Variants in ST18 observed in about 807,000 individuals in gnomAD.
The protein encoded by ST18 is suppression of tumorigenicity 18 protein.
ST18 carries 50 observed loss-of-function variants against 110.0 expected under a neutral mutation model. That is an observed-to-expected ratio of 0.45 (90% CI 0.36 to 0.58). The LOEUF is 0.58. Ranked by LOEUF, ST18 falls within the 20% of genes least tolerant of loss-of-function variation. The pLI is 0.00. For synonymous variants in ST18, 461 were observed against 452.4 expected, an observed-to-expected ratio of 1.02 and a Z score of -0.24; for missense variants, 1,306 against 1,280.1, an observed-to-expected ratio of 1.02 and a Z score of -0.31.
chr8:52,174,776 C>T (rs962837443), intron 9 of ST18, among the ~76,000 whole-genome samples: 1 of 152,196 alleles, frequency 6.6e-6, no homozygotes, highest in Non-Finnish European at 1.5e-5. Context: ...GGTGCCTGCA[C>T]AGCACACGCG....
intron 7 of ST18, among the ~76,000 whole-genome samples, chr8:52,212,392 A>C (rs1205207206): frequency 2.6e-5 from 4 of 152,242 alleles, no homozygotes; most frequent in Non-Finnish European, 4.4e-5. Context: ...TCACAGGAGC[A>C]CAAATGATTC....
At chr8:52,385,592 C>G (rs1000820649) in intron 2 of ST18, among the ~76,000 whole-genome samples, 1 of 71,428 alleles carries the variant, frequency 1.4e-5, no homozygotes, top group Admixed American at 1.6e-4. Context: ...AGCAAGACTC[C>G]GACTCAAAAA....
At position 52,158,919 on chromosome 8, in the gene ST18, CTTG is replaced by C. The variant is rs751965743; in HGVS notation, c.1782_1784del (p.Asn594del). ...CTACCTTGGCATGCAGACTCTGTGGCTTGTTGGAGAGGATGTCTGTGGCTTCCC... is the reference window on the plus strand; with the variant it reads ...CTACCTTGGCATGCAGACTCTGTGGCTTGGAGAGGATGTCTGTGGCTTCCC... On this transcript the variant is annotated inframe_deletion, in exon 15 of 26. Coordinates refer to ENST00000689386, the MANE Select transcript of ST18 (RefSeq NM_001352837.2). 1 of 1,614,024 alleles carries C rather than the reference CTTG, an allele frequency of 6.2e-7. No homozygotes were observed. The highest frequency in any genetic ancestry group is 1.7e-5 in the Admixed American group (1 of 60,016).
intron 2 of ST18, among the ~76,000 whole-genome samples, chr8:52,402,779 A>G (rs1308397226): frequency 6.6e-6 from 1 of 151,882 alleles, no homozygotes; most frequent in Non-Finnish European, 1.5e-5. Context: ...GTCAATTCAG[A>G]CTCCAGAGGG....
At chr8:52,263,947 T>A (rs10104712) in intron 2 of ST18, among the ~76,000 whole-genome samples, 1 of 151,532 alleles carries the variant, frequency 6.6e-6, no homozygotes, top group Non-Finnish European at 1.5e-5. Flanking sequence ...TACATGCGTG[T>A]GCCACCTCGC....
chr8:52,225,848 A>G (rs140106934), intron 3 of ST18, among the ~76,000 whole-genome samples: 26 of 152,336 alleles, frequency 1.7e-4, no homozygotes, highest in African/African-American at 6.3e-4. Context: ...CTATTCTCCC[A>G]GTCTGTATTG....
intron 17 of ST18, 87 bp downstream of exon 17, chr8:52,142,843 G>T: frequency 9.8e-7 from 1 of 1,016,304 alleles, no homozygotes; most frequent in Non-Finnish European, 1.5e-6. Flanking sequence ...AACATCAACT[G>T]TATAAGCCAG....
intron 2 of ST18, among the ~76,000 whole-genome samples, chr8:52,328,776 T>C (rs1807708604): frequency 6.6e-6 from 1 of 152,014 alleles, no homozygotes; most frequent in East Asian, 1.9e-4. Context: ...ATTTTTCCAA[T>C]AAAAAAAATA....
intron 22 of ST18, among the ~76,000 whole-genome samples, chr8:52,130,686 C>T (rs2131474928): frequency 6.6e-6 from 1 of 152,300 alleles, no homozygotes; most frequent in East Asian, 1.9e-4. Flanking sequence ...GCTTTGCCAC[C>T]TACAGAGTAT....
At chr8:52,132,909 A>C in intron 21 of ST18, 148 bp downstream of exon 21, 5 of 888,324 alleles carry the variant, frequency 5.6e-6, no homozygotes, top group Non-Finnish European at 8.6e-6. Flanking sequence ...ACTTTTCTCA[A>C]ACCACCAAAT....
chr8:52,240,239 A>G (rs2137534849), intron 2 of ST18, among the ~76,000 whole-genome samples: 1 of 152,288 alleles, frequency 6.6e-6, no homozygotes, highest in African/African-American at 2.4e-5. Flanking sequence ...TAATTGATGT[A>G]TGATAATATA....
At chr8:52,155,158 C>T (rs2059723172) in intron 15 of ST18, among the ~76,000 whole-genome samples, 1 of 150,462 alleles carries the variant, frequency 6.6e-6, no homozygotes, top group African/African-American at 2.5e-5. Flanking sequence ...GTGAAGATAA[C>T]ACCAATGCAC....
chr8:52,113,176 G>A lies in ST18; in HGVS notation c.*22C>T, dbSNP rs770182336. 6.2e-7 allele frequency: 1 copy of A among 1,612,776 alleles called. No homozygotes were observed. Among genetic ancestry groups the A allele is most frequent in the Non-Finnish European group, 8.5e-7 (1 of 1,179,468 alleles). The stretch of plus-strand genomic sequence containing the variant: ...GAGTTTACTGCTGTTGGTAACTTCT[G>A]TTGCCCGGCAGCGCTGTGATCCTAC... On this transcript the variant is annotated 3_prime_UTR_variant, in exon 26 of 26. Transcript: ENST00000689386.
In ST18 at chr8:52,263,469, A is replaced by G. The variant is rs149844246; in HGVS notation, c.-464-33392T>C. Among the ~76,000 whole-genome samples the G allele has an allele frequency of 3.3e-5, 5 of 152,298 alleles. No homozygotes were observed. The East Asian group carries it at 9.7e-4, about 29-fold the overall frequency. On this transcript the variant is annotated intron_variant, in intron 2 of 25. Transcript: ENST00000689386. The stretch of plus-strand genomic sequence containing the variant: ...AGTGACTGTGGAGGACATCAATTCT[A>G]TCTATTAGCATGGCACTCTGAGTGC...
At chr8:52,331,171 C>T (rs979869327) in intron 2 of ST18, among the ~76,000 whole-genome samples, 8 of 152,120 alleles carry the variant, frequency 5.3e-5, no homozygotes, top group African/African-American at 1.7e-4. Context: ...GCCACACCTT[C>T]GACTGGAAGG....
chr8:52,319,111 T>A (rs995231553), intron 2 of ST18, among the ~76,000 whole-genome samples: 3 of 152,150 alleles, frequency 2.0e-5, no homozygotes, highest in Non-Finnish European at 4.4e-5. Flanking sequence ...TTAAAAAAAA[T>A]TATTTTTAAG....
At chr8:52,235,979 AG>A (rs1187427918) in intron 2 of ST18, among the ~76,000 whole-genome samples, 1 of 152,240 alleles carries the variant, frequency 6.6e-6, no homozygotes, top group Non-Finnish European at 1.5e-5. Flanking sequence ...ATAAATAAAA[AG>A]ATAATAGAAG....
At chr8:52,381,976 A>AAAAC (rs1554859922) in intron 2 of ST18, among the ~76,000 whole-genome samples, 12 of 151,492 alleles carry the variant, frequency 7.9e-5, no homozygotes, top group African/African-American at 2.2e-4. Context: ...TTAAAAAACA[A>AAAAC]AAAAAAACAA....
At chr8:52,379,201 G>A (rs778820570) in intron 2 of ST18, among the ~76,000 whole-genome samples, 9 of 151,174 alleles carry the variant, frequency 6.0e-5, no homozygotes, top group South Asian at 4.2e-4. Context: ...AGGTTCAAGC[G>A]ATTCTCCTGC....
Sources: allele counts gnomAD v4.1 joint callset (sites outside exome capture counted in the v4.1 genomes callset), GRCh38; gene constraint gnomAD v4.1.1; transcripts MANE v1.5; gene names NCBI Gene and HGNC (gene_info 2026-07-23, HGNC 2026-07-21).